ZNF71: variants seen among roughly 807,000 people sequenced by gnomAD.
The protein encoded by ZNF71 is zinc finger protein 71, also known as endothelial zinc finger protein induced by tumor necrosis factor alpha.
ZNF71 carries 3 observed loss-of-function variants against 6.7 expected under a neutral mutation model. That is an observed-to-expected ratio of 0.45 (90% CI 0.20 to 1.16). The LOEUF (loss-of-function observed/expected upper bound fraction) is 1.16. Ranked by LOEUF, ZNF71 falls within the 50% of genes most tolerant of loss-of-function variation. The probability of loss-of-function intolerance (pLI) is 0.25; values close to 1 mark genes in which losing one functional copy is unlikely to be tolerated. For synonymous variants in ZNF71, 343 were observed against 311.1 expected, an observed-to-expected ratio of 1.10 and a Z score of -1.08; for missense variants, 688 against 728.6, an observed-to-expected ratio of 0.94 and a Z score of 0.64.
At position 56,618,484 on chromosome 19, in the gene ZNF71, T is replaced by C. The variant is rs2044815358; in HGVS notation, c.161-2784T>C. Among the ~76,000 whole-genome samples the C allele has an allele frequency of 6.6e-6, 1 of 152,152 alleles. No homozygotes were observed. Among genetic ancestry groups the C allele is most frequent in the Non-Finnish European group, 1.5e-5 (1 of 68,030 alleles). On this transcript the variant is annotated intron_variant, in intron 3 of 3. Transcript: ENST00000599599. The surrounding 1 kb of genome is among the most constrained non-coding windows in gnomAD (Gnocchi z 4.6). The stretch of plus-strand genomic sequence containing the variant: ...GGGTGAGCAAGGCCCTTGCCTCTAG[T>C]GGAGCTGACTCCTGCTGGGGGCCGA...
At chr19:56,615,731 T>C (rs1023444279) in intron 3 of ZNF71, among the ~76,000 whole-genome samples, 8 of 152,218 alleles carry the variant, frequency 5.3e-5, no homozygotes, top group African/African-American at 1.9e-4. Context: ...CCTCCCATTC[T>C]GTGGATTGTG....
intron 2 of ZNF71, among the ~76,000 whole-genome samples, chr19:56,604,619 A>T (rs2044695631): frequency 6.6e-6 from 1 of 152,308 alleles, no homozygotes; most frequent in South Asian, 2.1e-4. Context: ...TTGTCCAAGG[A>T]AACACAGCTC....
At chr19:56,607,974 T>C (rs1455176791) in intron 2 of ZNF71, among the ~76,000 whole-genome samples, 1 of 152,172 alleles carries the variant, frequency 6.6e-6, no homozygotes, top group Non-Finnish European at 1.5e-5. Context: ...GCTGGTCAGA[T>C]GGGCCTCTCC....
At chr19:56,599,190 T>G (rs1034522630) in intron 1 of ZNF71, among the ~76,000 whole-genome samples, 1 of 151,944 alleles carries the variant, frequency 6.6e-6, no homozygotes, top group Admixed American at 6.5e-5. Context: ...CAGTCAGAGG[T>G]GTTGGTGGCA....
At chr19:56,604,413 C>T (rs2052239) in intron 2 of ZNF71, among the ~76,000 whole-genome samples, 97,068 of 152,018 alleles carry the variant, frequency 0.64, 31,360 homozygotes, top group African/African-American at 0.73. Context: ...TAAGGATCTA[C>T]AGTTGTACAT....
rs140091813 is a variant in ZNF71, at chr19:56,610,902, A to G, written c.34-2910A>G. Among the ~76,000 whole-genome samples, 97 of 152,252 alleles carry G rather than the reference A, an allele frequency of 6.4e-4. 1 individual carries two copies. The highest frequency in any genetic ancestry group is 2.2e-3 in the African/African-American group (92 of 41,546). On this transcript the variant is annotated intron_variant, in intron 2 of 3. Coordinates refer to ENST00000599599, the MANE Select transcript of ZNF71 (RefSeq NM_001370215.1). ...TCTTTCCTTATTAAGTCTGAATGAGATTTCATTGTATATAGAGACCACATT... is the reference window on the plus strand; with the variant it reads ...TCTTTCCTTATTAAGTCTGAATGAGGTTTCATTGTATATAGAGACCACATT...
chr19:56,602,773 C>A, intron 2 of ZNF71, among the ~76,000 whole-genome samples: 1 of 152,174 alleles, frequency 6.6e-6, no homozygotes, highest in East Asian at 1.9e-4. Context: ...ATATTCTTCC[C>A]AGATTTGCTT....
chr19:56,621,146 C>G, intron 3 of ZNF71, 122 bp from the exon 4 acceptor site: 1 of 976,204 alleles, frequency 1.0e-6, no homozygotes, highest in African/African-American at 1.6e-5. Flanking sequence ...TCTTTGCTAA[C>G]TCGCTCTGTG....
chr19:56,622,139 C>A lies in ZNF71; in HGVS notation c.1032C>A (p.His344Gln), dbSNP rs2044859852. ...ECGRAFSQNM[H>Q]LTEHQRTHTG... The stretch of plus-strand genomic sequence containing the variant: ...GGCGAGCCTTCAGCCAGAACATGCA[C>A]CTGACCGAGCACCAGCGCACGCACA... The change falls in exon 4 of 4, where the codon CAC (histidine) becomes CAA (glutamine). Residue 344 changes from histidine to glutamine, a missense_variant. By Grantham distance (24) the His-to-Gln change is conservative. Transcript: ENST00000599599. The A allele has an allele frequency of 1.2e-6, 2 of 1,613,070 alleles. No homozygotes were observed. Among genetic ancestry groups the A allele is most frequent in the African/African-American group, 2.7e-5 (2 of 74,786 alleles).
At chr19:56,606,421 ATAAAT>A (rs1251103592) in intron 2 of ZNF71, among the ~76,000 whole-genome samples, 10 of 152,046 alleles carry the variant, frequency 6.6e-5, no homozygotes, top group Non-Finnish European at 1.3e-4. Context: ...CCGGAAAATT[ATAAAT>A]TAATCAGTTA....
rs2044641756 is a variant in ZNF71, at chr19:56,598,339, G to A, written c.-53+2911G>A. 6.6e-6 allele frequency among the ~76,000 whole-genome samples: 1 copy of A among 152,070 alleles called. No individual in the cohort carries two copies. Among genetic ancestry groups the A allele is most frequent in the African/African-American group, 2.4e-5 (1 of 41,412 alleles). ...CATGGGAGAGGGGAGTAGAGGAGAT[G>A]GAAGGGGAGAGGCCATCAGGGGCAC... is the stretch of plus-strand genomic sequence containing the variant. On this transcript the variant is annotated intron_variant, in intron 1 of 3. Transcript: ENST00000599599. The surrounding 1 kb of genome is among the most constrained non-coding windows in gnomAD (Gnocchi z 4.2).
chr19:56,606,573 T>A (rs1034463887), intron 2 of ZNF71, among the ~76,000 whole-genome samples: 2 of 152,148 alleles, frequency 1.3e-5, no homozygotes, highest in East Asian at 3.9e-4. Context: ...GTGTGGTGGC[T>A]GTTGGATGGC....
chr19:56,614,330 A>G (rs1028209969), intron 3 of ZNF71, among the ~76,000 whole-genome samples: 22 of 152,252 alleles, frequency 1.4e-4, no homozygotes, highest in African/African-American at 5.3e-4. Flanking sequence ...CAAAGATGAA[A>G]AAAGAATAAT....
rs188692815 is a variant in ZNF71 at position 56,616,198 on chromosome 19, A to G, written c.160+2260A>G. ...TGTTCTTTGATCCATTTAGAGTTGA[A>G]TTCTTAATATGATGTAAAGTATTAA... On this transcript the variant is annotated intron_variant, in intron 3 of 3. Transcript: ENST00000599599. Among the ~76,000 whole-genome samples the G allele has an allele frequency of 6.6e-5, 10 of 152,316 alleles. No individual in the cohort carries two copies. The East Asian group carries it at 1.9e-3, about 29-fold the overall frequency.
At chr19:56,617,112 G>GTTTTTTTTT (rs748784485) in intron 3 of ZNF71, among the ~76,000 whole-genome samples, 6,442 of 139,310 alleles carry the variant, frequency 0.046, 387 homozygotes, top group African/African-American at 0.055. Flanking sequence ...ATTTTCTTTT[G>GTTTTTTTTT]TTTTTTTTTG....
rs772343648 is a variant in ZNF71, at chr19:56,621,403, G to A, written c.296G>A (p.Trp99Ter). 2.5e-6 allele frequency: 4 copies of A among 1,612,276 alleles called. No homozygotes were observed. In the Admixed American group the frequency reaches 5.0e-5, roughly 20 times the overall value. ...GARGPGSEGV[W>*]EPGSWPERPR... The stretch of plus-strand genomic sequence containing the variant: ...AGGGGTCCTGGCTCAGAAGGAGTGT[G>A]GGAACCAGGCAGCTGGCCAGAGAGG... The change falls in exon 4 of 4, where the codon TGG becomes TAG. Residue 99 changes from tryptophan (W) to a stop codon, truncating the protein, a stop_gained. Transcript: ENST00000599599. LOFTEE classifies it low-confidence loss of function (END_TRUNC).
At chr19:56,607,122 C>T (rs964275315) in intron 2 of ZNF71, among the ~76,000 whole-genome samples, 2 of 152,076 alleles carry the variant, frequency 1.3e-5, no homozygotes, top group Non-Finnish European at 2.9e-5. Flanking sequence ...TGAATTTTTA[C>T]CCCCTAAACA....
At chr19:56,619,104 G>A (rs2148018872) in intron 3 of ZNF71, among the ~76,000 whole-genome samples, 1 of 152,288 alleles carries the variant, frequency 6.6e-6, no homozygotes, top group Non-Finnish European at 1.5e-5. Flanking sequence ...CAGGATGTCT[G>A]CTAAGTCTCT....
chr19:56,600,133 G>A (rs1427144986), intron 1 of ZNF71, among the ~76,000 whole-genome samples: 1 of 118,524 alleles, frequency 8.4e-6, no homozygotes, highest in Non-Finnish European at 1.6e-5. Context: ...GTCTCGCTCT[G>A]TTGCCAGGCT....
Sources: allele counts gnomAD v4.1 joint callset (sites outside exome capture counted in the v4.1 genomes callset), GRCh38; gene constraint gnomAD v4.1.1; non-coding constraint Gnocchi (gnomAD v3.1); transcripts MANE v1.5; gene names NCBI Gene and HGNC (gene_info 2026-07-23, HGNC 2026-07-21).